SCNN1B: variants seen among roughly 807,000 people sequenced by gnomAD.
The protein encoded by SCNN1B is epithelial sodium channel subunit beta.
Under a neutral mutation model 65.3 loss-of-function variants are expected in SCNN1B, and 46 were observed. That is an observed-to-expected ratio of 0.70 (90% CI 0.56 to 0.90). The LOEUF (loss-of-function observed/expected upper bound fraction) is 0.90, where lower values mean the gene tolerates loss of function less well. Ranked by LOEUF, SCNN1B falls within the 40% of genes least tolerant of loss-of-function variation. The probability of loss-of-function intolerance (pLI) is 0.00; values close to 1 mark genes in which losing one functional copy is unlikely to be tolerated. For synonymous variants in SCNN1B, 349 were observed against 330.6 expected (o/e 1.06, Z -0.60); for missense variants, 751 against 830.5 (o/e 0.90, Z 1.18).
At chr16:23,281,990 G>A (rs1024955985) in intron 1 of SCNN1B, among the ~76,000 whole-genome samples, 2 of 151,886 alleles carry the variant, frequency 1.3e-5, no homozygotes, top group Non-Finnish European at 2.9e-5. Context: ...CCAGGAGTTC[G>A]AGACCAGCCT....
At chr16:23,334,634 G>C (rs1009752606) in intron 1 of SCNN1B, among the ~76,000 whole-genome samples, 1 of 152,220 alleles carries the variant, frequency 6.6e-6, no homozygotes, top group South Asian at 2.1e-4. Context: ...TTGTGGTAAA[G>C]CTGTTTGCAC....
At chr16:23,342,204 C>G (rs1213790750) in intron 1 of SCNN1B, among the ~76,000 whole-genome samples, 1 of 152,180 alleles carries the variant, frequency 6.6e-6, no homozygotes, top group African/African-American at 2.4e-5. Flanking sequence ...TTAAAACACA[C>G]TAAGTGAAAG....
At chr16:23,305,573 T>TAA (rs1567290443) in intron 1 of SCNN1B, among the ~76,000 whole-genome samples, 3 of 42,638 alleles carry the variant, frequency 7.0e-5, no homozygotes, top group East Asian at 3.2e-3. Context: ...TATATATATA[T>TAA]ATATTATATA....
chr16:23,295,777 G>A (rs538441721), intron 2 of SCNN1B, among the ~76,000 whole-genome samples: 3 of 152,252 alleles, frequency 2.0e-5, no homozygotes, highest in Admixed American at 6.5e-5. Context: ...CAGTGTTAGA[G>A]CCTTTTAAAG....
intron 1 of SCNN1B, among the ~76,000 whole-genome samples, chr16:23,320,398 T>C (rs1000133439): frequency 6.6e-6 from 1 of 152,118 alleles, no homozygotes; most frequent in Non-Finnish European, 1.5e-5. Flanking sequence ...CTGCATTGAC[T>C]CTCCCCAAGG....
chr16:23,360,374 CA>C (rs562379935), intron 4 of SCNN1B, among the ~76,000 whole-genome samples: 1 of 151,728 alleles, frequency 6.6e-6, no homozygotes, highest in Non-Finnish European at 1.5e-5. Context: ...CCCATCTCTA[CA>C]AAAAACAATT....
At chr16:23,353,831 T>G (rs1407899516) in intron 3 of SCNN1B, among the ~76,000 whole-genome samples, 1 of 152,248 alleles carries the variant, frequency 6.6e-6, no homozygotes, top group African/African-American at 2.4e-5. Flanking sequence ...CCATTAGTTC[T>G]TAAGCCTAGA....
chr16:23,323,655 C>A (rs1365268250), intron 1 of SCNN1B: 2 of 700,420 alleles, frequency 2.9e-6, no homozygotes, highest in South Asian at 1.5e-5. Flanking sequence ...AACCACTACC[C>A]CATTGTAAAG....
chr16:23,360,812 T>A (rs1307490045), intron 4 of SCNN1B, among the ~76,000 whole-genome samples: 1 of 151,802 alleles, frequency 6.6e-6, no homozygotes, highest in Non-Finnish European at 1.5e-5. Flanking sequence ...TTTGTTTTTT[T>A]GAGACAGAGT....
chr16:23,376,757 A>G (rs540096672), intron 8 of SCNN1B, among the ~76,000 whole-genome samples: 263 of 151,954 alleles, frequency 1.7e-3, no homozygotes, highest in Middle Eastern at 3.4e-3. Context: ...AAAAAAAAAA[A>G]AAAGAAAGAA....
chr16:23,318,780 A>G (rs559867308), intron 1 of SCNN1B, among the ~76,000 whole-genome samples: 3 of 152,190 alleles, frequency 2.0e-5, no homozygotes, highest in Non-Finnish European at 4.4e-5. Context: ...TGCCAGCCAG[A>G]AAGGTGGGGC....
At chr16:23,311,397 T>A (rs891119662) in intron 1 of SCNN1B, among the ~76,000 whole-genome samples, 1 of 152,182 alleles carries the variant, frequency 6.6e-6, no homozygotes, top group African/African-American at 2.4e-5. Flanking sequence ...ATTGGACTCA[T>A]TTGAGGACCT....
intron 1 of SCNN1B, among the ~76,000 whole-genome samples, chr16:23,280,727 A>C (rs1175502284): frequency 6.6e-6 from 1 of 152,202 alleles, no homozygotes; most frequent in Non-Finnish European, 1.5e-5. Flanking sequence ...CAGTGGCTAG[A>C]GAAGGTGTGG....
chr16:23,312,585 G>T (rs1457612847), intron 1 of SCNN1B, among the ~76,000 whole-genome samples: 1 of 152,132 alleles, frequency 6.6e-6, no homozygotes, highest in African/African-American at 2.4e-5. Context: ...AGGGATGAGG[G>T]TAGGGCCATG....
At chr16:23,376,018 T>G (rs1962887417) in intron 8 of SCNN1B, among the ~76,000 whole-genome samples, 163 bp downstream of exon 8, 1 of 152,198 alleles carries the variant, frequency 6.6e-6, no homozygotes, top group Non-Finnish European at 1.5e-5. Flanking sequence ...CTCCCAGGCC[T>G]CCTTTCTGCA....
chr16:23,331,325 C>CT (rs112461468), intron 1 of SCNN1B, among the ~76,000 whole-genome samples: 1,750 of 138,138 alleles, frequency 0.013, 41 homozygotes, highest in African/African-American at 0.037. Flanking sequence ...TTCCTAGTCA[C>CT]TTTTTTTTTT....
intron 4 of SCNN1B, among the ~76,000 whole-genome samples, chr16:23,360,595 T>TC (rs1962530046): frequency 6.8e-6 from 1 of 146,276 alleles, no homozygotes; most frequent in African/African-American, 2.5e-5. Context: ...GTGGTGGTTT[T>TC]TTTTTTTTTT....
intron 2 of SCNN1B, among the ~76,000 whole-genome samples, chr16:23,294,012 G>A (rs924344382): frequency 3.3e-5 from 5 of 152,026 alleles, no homozygotes; most frequent in African/African-American, 4.8e-5. Context: ...AAATTTTCCA[G>A]TCAGATTACA....
intron 2 of SCNN1B, among the ~76,000 whole-genome samples, chr16:23,352,583 C>T (rs1249565822): frequency 6.6e-6 from 1 of 152,182 alleles, no homozygotes; most frequent in East Asian, 1.9e-4. Flanking sequence ...TTGCTTCCCC[C>T]TTCACCTTCC....
Sources: allele counts gnomAD v4.1 joint callset (sites outside exome capture counted in the v4.1 genomes callset), GRCh38; gene constraint gnomAD v4.1.1; transcripts MANE v1.5; gene names NCBI Gene and HGNC (gene_info 2026-07-23, HGNC 2026-07-21).